The following EPHA3 variants were observed in gnomAD, a reference collection of about 807,000 sequenced individuals.
EPHA3 encodes the protein ephrin type-A receptor 3.
Under a neutral mutation model 107.1 loss-of-function variants are expected in EPHA3, and 42 were observed. That is an observed-to-expected ratio of 0.39 (90% CI 0.31 to 0.51). EPHA3 has a LOEUF of 0.51. Among genes scored for constraint, EPHA3 ranks in the 20% least tolerant of loss-of-function variants. The pLI, the probability that EPHA3 is intolerant of heterozygous loss-of-function variation, is 0.78. For missense variants in EPHA3, 1,183 were observed against 1,211.2 expected (o/e 0.98, Z 0.35); for synonymous variants, 461 against 424.8 (o/e 1.09, Z -1.05).
At chr3:89,348,691 CT>C (rs1707733767) in intron 5 of EPHA3, among the ~76,000 whole-genome samples, 1 of 94,196 alleles carries the variant, frequency 1.1e-5, no homozygotes, top group Admixed American at 1.1e-4. Context: ...TTTTCTAGTT[CT>C]TTTAATTGTG....
At chr3:89,215,713 G>T (rs1704208052) in intron 3 of EPHA3, among the ~76,000 whole-genome samples, 1 of 151,756 alleles carries the variant, frequency 6.6e-6, no homozygotes, top group African/African-American at 2.4e-5. Flanking sequence ...TCTTACGCAG[G>T]ATTACAATTA....
chr3:89,384,240 A>G (rs1157885045), intron 5 of EPHA3, among the ~76,000 whole-genome samples: 4 of 152,090 alleles, frequency 2.6e-5, no homozygotes, highest in Admixed American at 2.6e-4. Flanking sequence ...CCAGTGAATT[A>G]AGACAACAAG....
intron 3 of EPHA3, among the ~76,000 whole-genome samples, chr3:89,235,527 C>A (rs1228261353): frequency 6.6e-6 from 1 of 151,868 alleles, no homozygotes; most frequent in African/African-American, 2.4e-5. Context: ...CCTTTCATTT[C>A]TTCATATGCA....
intron 2 of EPHA3, among the ~76,000 whole-genome samples, chr3:89,149,251 A>G (rs1390147403): frequency 1.3e-5 from 2 of 152,046 alleles, no homozygotes; most frequent in Admixed American, 6.6e-5. Context: ...ATTTACCAAA[A>G]GCAATCTATT....
intron 2 of EPHA3, among the ~76,000 whole-genome samples, chr3:89,135,234 C>T (rs1397096661): frequency 1.3e-5 from 2 of 152,140 alleles, no homozygotes; most frequent in Non-Finnish European, 2.9e-5. Flanking sequence ...ATGACTGTCA[C>T]CCCTATTCCT....
chr3:89,178,846 T>C (rs1165134797), intron 2 of EPHA3, among the ~76,000 whole-genome samples: 1 of 151,884 alleles, frequency 6.6e-6, no homozygotes, highest in Non-Finnish European at 1.5e-5. Flanking sequence ...ATAACTAGCA[T>C]CTGAATCTTG....
chr3:89,256,612 T>A (rs1283006088), intron 3 of EPHA3, among the ~76,000 whole-genome samples: 2 of 150,604 alleles, frequency 1.3e-5, no homozygotes, highest in Admixed American at 6.8e-5. Context: ...AATAAATAAA[T>A]AAAATTCTAT....
At chr3:89,456,981 T>C (rs909495159) in intron 15 of EPHA3, among the ~76,000 whole-genome samples, 10 of 152,182 alleles carry the variant, frequency 6.6e-5, no homozygotes, top group African/African-American at 2.4e-4. Flanking sequence ...TAGAACACTA[T>C]AATACCCCTC....
chr3:89,292,905 C>A (rs770213573), intron 3 of EPHA3, among the ~76,000 whole-genome samples: 24 of 152,202 alleles, frequency 1.6e-4, no homozygotes, highest in Non-Finnish European at 2.9e-4. Context: ...TTTTACACTT[C>A]TAACAAAATG....
At chr3:89,319,153 C>T (rs573672650) in intron 3 of EPHA3, among the ~76,000 whole-genome samples, 2 of 151,842 alleles carry the variant, frequency 1.3e-5, no homozygotes, top group African/African-American at 4.8e-5. Context: ...GGTCTAAATG[C>T]CATTTTCTTC....
chr3:89,190,498 A>G (rs1230780475), intron 2 of EPHA3, among the ~76,000 whole-genome samples: 1 of 152,200 alleles, frequency 6.6e-6, no homozygotes, highest in Admixed American at 6.5e-5. Flanking sequence ...TTTGTTACAT[A>G]TACTGTGACT....
chr3:89,325,689 C>T (rs1459642676), intron 3 of EPHA3, among the ~76,000 whole-genome samples: 1 of 152,066 alleles, frequency 6.6e-6, no homozygotes, highest in Non-Finnish European at 1.5e-5. Flanking sequence ...TTTTACATAT[C>T]ATGTGAATAC....
At chr3:89,211,731 CTTCTTCTTCTCCTT>C (rs1704095970) in intron 3 of EPHA3, among the ~76,000 whole-genome samples, 1 of 10,322 alleles carries the variant, frequency 9.7e-5, no homozygotes, top group Non-Finnish European at 2.6e-4. Flanking sequence ...TCTTTTTCTT[CTTCTTCTTCTCCTT>C]CTTCTTCTTC....
At chr3:89,445,168 A>G (rs942064600) in intron 13 of EPHA3, among the ~76,000 whole-genome samples, 2 of 152,150 alleles carry the variant, frequency 1.3e-5, no homozygotes. Flanking sequence ...AAGGAGGCTG[A>G]GGCACAAGAA....
Position 89,381,074 on chromosome 3 carries a change from G to A in EPHA3, c.1307-14763G>A, listed in dbSNP as rs1241927559. Among the ~76,000 whole-genome samples the A allele has an allele frequency of 5.9e-5, 9 of 151,922 alleles. No homozygotes were observed. The East Asian group carries it at 7.9e-4, about 13-fold the overall frequency. On this transcript the variant is annotated intron_variant, in intron 5 of 16. Transcript: ENST00000336596. ...TGCAAGCTCCACCTCCTGGTTTCCC[G>A]CCATTCTCTTGCCTCAGCCTCCAGA...
intron 2 of EPHA3, among the ~76,000 whole-genome samples, chr3:89,148,063 A>G (rs368046082): frequency 6.6e-6 from 1 of 152,002 alleles, no homozygotes; most frequent in Non-Finnish European, 1.5e-5. Context: ...TCTAGAATGT[A>G]CAAAGATTTT....
intron 5 of EPHA3, among the ~76,000 whole-genome samples, chr3:89,363,890 C>A (rs1470405843): frequency 6.6e-6 from 1 of 150,596 alleles, no homozygotes. Context: ...GAAGACAATG[C>A]CCAGTGCATC....
intron 3 of EPHA3, among the ~76,000 whole-genome samples, chr3:89,280,488 A>G (rs550607088): frequency 3.4e-4 from 52 of 152,314 alleles, no homozygotes; most frequent in African/African-American, 1.2e-3. Flanking sequence ...TTGGTTTGTG[A>G]CAAGGGATGT....
At chr3:89,355,125 A>G in intron 5 of EPHA3, among the ~76,000 whole-genome samples, 1 of 151,170 alleles carries the variant, frequency 6.6e-6, no homozygotes, top group East Asian at 1.9e-4. Flanking sequence ...TTGACAAAAA[A>G]AAAAAATCTG....
Sources: allele counts gnomAD v4.1 joint callset (sites outside exome capture counted in the v4.1 genomes callset), GRCh38; gene constraint gnomAD v4.1.1; transcripts MANE v1.5; gene names NCBI Gene and HGNC (gene_info 2026-07-23, HGNC 2026-07-21).